The following SCARA3 variants were observed in gnomAD, a reference collection of about 807,000 sequenced individuals.
The protein encoded by SCARA3 is cellular stress response gene protein.
A neutral mutation model predicts 47.0 loss-of-function variants in SCARA3; 39 were observed. That is an observed-to-expected ratio of 0.83 (90% CI 0.64 to 1.08). The LOEUF (loss-of-function observed/expected upper bound fraction) is 1.08. Ranked by LOEUF, SCARA3 falls within the 50% of genes least tolerant of loss-of-function variation. SCARA3 has a pLI of 0.00. For missense variants in SCARA3, 724 were observed against 792.3 expected (o/e 0.91, Z 1.04); for synonymous variants, 356 against 334.1 (o/e 1.07, Z -0.71).
chr8:27,677,539 G>A (rs899906916), downstream of SCARA3, among the ~76,000 whole-genome samples: 1 of 152,166 alleles, frequency 6.6e-6, no homozygotes, highest in African/African-American at 2.4e-5. Flanking sequence ...CCAGAAAATC[G>A]ATAGCTTAAA....
At chr8:27,650,990 G>A (rs1305252324) in intron 2 of SCARA3, among the ~76,000 whole-genome samples, 1 of 152,206 alleles carries the variant, frequency 6.6e-6, no homozygotes, top group Admixed American at 6.5e-5. Flanking sequence ...CTCCTCAAGT[G>A]CTGGGATTAC....
rs756578144 is a variant in SCARA3 at position 27,672,437 on chromosome 8, C to G, written c.*1086C>G. Reference sequence around the variant, plus strand: ...CCCTGAGGCTGGCCTGCCCCATTCCCCAAGGGGGCTCCTCTGGAGTGGTGG... The same window carrying G: ...CCCTGAGGCTGGCCTGCCCCATTCCGCAAGGGGGCTCCTCTGGAGTGGTGG... On this transcript the variant is annotated 3_prime_UTR_variant, in exon 6 of 6. Coordinates refer to ENST00000301904, the MANE Select transcript of SCARA3 (RefSeq NM_016240.3). 1.6e-5 allele frequency: 16 copies of G among 985,474 alleles called. No individual in the cohort carries two copies. Among genetic ancestry groups the G allele is most frequent in the Non-Finnish European group, 1.9e-5 (16 of 830,062 alleles). 61.0% of individuals were successfully genotyped at this position (985,474 alleles called of 1,614,324 possible).
the SCARA3 span, among the ~76,000 whole-genome samples, chr8:27,721,225 G>T: frequency 6.6e-6 from 1 of 151,688 alleles, no homozygotes; most frequent in Non-Finnish European, 1.5e-5. Context: ...CTCATATTAT[G>T]CATTAAATAA....
Position 27,634,211 on chromosome 8 carries a change from AG to A in SCARA3, c.7+7del. On this transcript the variant is annotated splice_donor_5th_base_variant and intron_variant, in intron 1 of 5. Coordinates refer to ENST00000301904, the MANE Select transcript of SCARA3 (RefSeq NM_016240.3). ...CCAGAGGAAGAGACCATGAAAGGTAAGGGCGGCCTGTCGGGGGCAGCTCCGA... is the reference window on the plus strand; with the variant it reads ...CCAGAGGAAGAGACCATGAAAGGTAAGGCGGCCTGTCGGGGGCAGCTCCGA... 7.3e-7 allele frequency: 1 copy of A among 1,373,464 alleles called. No individual in the cohort carries two copies. 85.1% of individuals were successfully genotyped at this position (1,373,464 alleles called of 1,614,324 possible).
chr8:27,725,470 A>C, the SCARA3 span, among the ~76,000 whole-genome samples: 1 of 151,158 alleles, frequency 6.6e-6, no homozygotes, highest in Non-Finnish European at 1.5e-5. Context: ...ATATAGTAAA[A>C]AGAAATTTTA....
intron 5 of SCARA3, among the ~76,000 whole-genome samples, chr8:27,670,433 G>A (rs1459544605): frequency 1.3e-5 from 2 of 152,186 alleles, no homozygotes. Flanking sequence ...GGCTGTCACT[G>A]TGCCCACTTA....
At chr8:27,720,547 C>T in the SCARA3 span, among the ~76,000 whole-genome samples, 3 of 152,130 alleles carry the variant, frequency 2.0e-5, no homozygotes, top group African/African-American at 4.8e-5. Context: ...TGGTTCTAGT[C>T]GAGTCTCCAT....
the SCARA3 span, among the ~76,000 whole-genome samples, chr8:27,693,371 T>G: frequency 6.6e-6 from 1 of 152,208 alleles, no homozygotes; most frequent in Non-Finnish European, 1.5e-5. Flanking sequence ...TGGCTCAGAA[T>G]AAATATCTTC....
intron 5 of SCARA3, among the ~76,000 whole-genome samples, chr8:27,664,673 A>AT (rs1801978786): frequency 6.6e-6 from 1 of 152,052 alleles, no homozygotes; most frequent in Non-Finnish European, 1.5e-5. Context: ...AATATAACCA[A>AT]TAGTACTCTT....
In SCARA3 at chr8:27,667,875, T is replaced by G. The variant is rs34378001; in HGVS notation, c.1370-3025T>G. On this transcript the variant is annotated intron_variant, in intron 5 of 5. Transcript: ENST00000301904. ...GTAGCCCACGCGGAGACCCACAAGA[T>G]GTAGACAGGCCCCCGATAACATCGT... is the stretch of plus-strand genomic sequence containing the variant. 3.9e-5 allele frequency among the ~76,000 whole-genome samples: 6 copies of G among 152,204 alleles called. No homozygotes were observed. In the East Asian group the frequency reaches 9.7e-4, roughly 25 times the overall value.
chr8:27,678,017 A>G (rs1335880960), downstream of SCARA3, among the ~76,000 whole-genome samples: 5 of 152,228 alleles, frequency 3.3e-5, no homozygotes, highest in East Asian at 1.9e-4. Context: ...AAAACATAAC[A>G]TATGAAATTT....
chr8:27,719,006 A>G, the SCARA3 span, among the ~76,000 whole-genome samples: 1 of 152,224 alleles, frequency 6.6e-6, no homozygotes, highest in Non-Finnish European at 1.5e-5. Context: ...AGGCATTCCA[A>G]TGCAAAAACA....
At chr8:27,683,250 T>C in the SCARA3 span, among the ~76,000 whole-genome samples, 1 of 152,048 alleles carries the variant, frequency 6.6e-6, no homozygotes, top group South Asian at 2.1e-4. Flanking sequence ...TATAGCGTGG[T>C]AGAAATGAGA....
intron 3 of SCARA3, 67 bp downstream of exon 3, chr8:27,651,694 T>C: frequency 6.3e-7 from 1 of 1,586,984 alleles, no homozygotes; most frequent in Non-Finnish European, 8.6e-7. Context: ...GCACCAAAAG[T>C]TCCCCTGCAA....
At position 27,670,989 on chromosome 8, in the gene SCARA3, G is replaced by A. The variant is rs201948380; in HGVS notation, c.1459G>A (p.Gly487Ser). The change falls in exon 6 of 6, where the codon GGC (glycine) becomes AGC (serine). Residue 487 changes from glycine (G) to serine (S), a missense_variant. Coordinates refer to ENST00000301904, the MANE Select transcript of SCARA3 (RefSeq NM_016240.3). ...CGGCAGAGGCCCGAAAGGAGACCCC[G>A]GCAGCTTGGGCCCCCTGGGACCCCA... Reference protein sequence around the residue: ...VGGRGPKGDPGSLGPLGPQGP... With the variant: ...VGGRGPKGDPSSLGPLGPQGP... 4.0e-5 allele frequency: 65 copies of A among 1,608,332 alleles called. No homozygotes were observed. Among genetic ancestry groups the A allele is most frequent in the East Asian group, 8.9e-5 (4 of 44,794 alleles).
Position 27,649,790 on chromosome 8 carries a change from C to A in SCARA3, c.96C>A (p.Cys32Ter), listed in dbSNP as rs755274982. 5.6e-6 allele frequency: 9 copies of A among 1,613,794 alleles called. No homozygotes were observed. In the South Asian group the frequency reaches 9.9e-5, roughly 18 times the overall value. The change falls in exon 2 of 6, where the codon TGC becomes TGA. Residue 32 changes from cysteine (C) to a stop codon, truncating the protein, a stop_gained. Transcript: ENST00000301904. LOFTEE classifies it high-confidence loss of function. Reference protein sequence around the residue: ...GDDEDMPTFPCTQKGRPGPRC... With the variant: ...GDDEDMPTFP The stretch of plus-strand genomic sequence containing the variant: ...ACGAGGACATGCCGACCTTCCCATG[C>A]ACCCAGAAGGGTAAGGACTCTGGGG...
the SCARA3 span, among the ~76,000 whole-genome samples, chr8:27,721,803 G>C: frequency 1.3e-5 from 2 of 152,208 alleles, no homozygotes; most frequent in African/African-American, 4.8e-5. Context: ...CAGGTGCAGT[G>C]GCTCTTGCCT....
chr8:27,689,352 G>A, the SCARA3 span, among the ~76,000 whole-genome samples: 2 of 152,290 alleles, frequency 1.3e-5, no homozygotes, highest in South Asian at 4.1e-4. Context: ...ATGCCAGGCT[G>A]GGGGTGGAAG....
At chr8:27,666,149 G>T (rs1282212233) in intron 5 of SCARA3, among the ~76,000 whole-genome samples, 1 of 152,194 alleles carries the variant, frequency 6.6e-6, no homozygotes, top group Non-Finnish European at 1.5e-5. Flanking sequence ...AGAGGGTTTG[G>T]TGGCCCTGAC....
Sources: gnomAD v4.1 joint callset for allele counts (sites outside exome capture counted in the v4.1 genomes callset) on GRCh38, gnomAD v4.1.1 for gene constraint, MANE v1.5 for transcripts, NCBI Gene and HGNC (gene_info 2026-07-23, HGNC 2026-07-21) for gene names.